Variants in TPD52L1 observed in about 807,000 individuals in gnomAD.
TPD52L1 encodes the protein TPD52 like 1.
A neutral mutation model predicts 28.7 loss-of-function variants in TPD52L1; 18 were observed. The ratio of observed to expected loss-of-function variants is 0.63; its 90% CI spans 0.43 to 0.93. The LOEUF (loss-of-function observed/expected upper bound fraction) is 0.93, where lower values mean the gene tolerates loss of function less well. TPD52L1 is among the 40% of genes least tolerant of loss of function. The probability of loss-of-function intolerance (pLI) is 0.00; values close to 1 mark genes in which losing one functional copy is unlikely to be tolerated. For synonymous variants in TPD52L1, 75 were observed against 88.8 expected (o/e 0.84, Z 0.88); for missense variants, 203 against 254.8 (o/e 0.80, Z 1.39).
chr6:125,263,235 CTG>C lies in TPD52L1; in HGVS notation c.*277_*278del. 2.5e-6 allele frequency: 1 copy of C among 399,892 alleles called. No homozygotes were observed. The highest frequency in any genetic ancestry group is 2.0e-5 in the African/African-American group (1 of 49,426). The allele number at this position is 399,892 out of a possible 1,614,324, so 24.8% of individuals were successfully genotyped here. On this transcript the variant is annotated 3_prime_UTR_variant, in exon 7 of 7. Transcript: ENST00000534000. The stretch of plus-strand genomic sequence containing the variant: ...GTACACAACTGGTCATAATTCCTGT[CTG>C]TGTAATTCGATGTATATTTTTCCAA...
At chr6:125,259,321 A>G (rs1797781122) in intron 6 of TPD52L1, among the ~76,000 whole-genome samples, 1 of 152,220 alleles carries the variant, frequency 6.6e-6, no homozygotes, top group African/African-American at 2.4e-5. Flanking sequence ...CACTCCTGCC[A>G]TCTTCTCACA....
At chr6:125,199,404 G>A (rs1414197047) in intron 1 of TPD52L1, among the ~76,000 whole-genome samples, 1 of 152,222 alleles carries the variant, frequency 6.6e-6, no homozygotes, top group Admixed American at 6.5e-5. Context: ...AGTAAAAGAG[G>A]CCAGGCGCAG....
chr6:125,220,261 T>A (rs575215413), intron 2 of TPD52L1, 68 bp downstream of exon 2: 2 of 970,846 alleles, frequency 2.1e-6, no homozygotes, highest in African/African-American at 3.2e-5. Flanking sequence ...TAGTTTGATA[T>A]AATAATTGTA....
intron 6 of TPD52L1, among the ~76,000 whole-genome samples, chr6:125,258,034 C>T (rs1797704966): frequency 6.6e-6 from 1 of 152,158 alleles, no homozygotes; most frequent in Admixed American, 6.5e-5. Context: ...ATTCAGCTGC[C>T]TCTGAATCCT....
At chr6:125,207,661 G>C (rs1374263966) in intron 1 of TPD52L1, among the ~76,000 whole-genome samples, 2 of 152,196 alleles carry the variant, frequency 1.3e-5, no homozygotes, top group South Asian at 4.1e-4. Context: ...CTTCAGCTGA[G>C]ATGCAAACCC....
In TPD52L1 at chr6:125,172,512, CTATATATATATATATATA is replaced by C. The variant is rs60135828; in HGVS notation, c.19+18565_19+18582del. On this transcript the variant is annotated intron_variant, in intron 1 of 6. Transcript: ENST00000534000. ...TTAGCAGCTATTTCCCTCTTTCATG[CTATATATATATATATATA>C]TATATATATATATATATATATAATA... 8.6e-3 allele frequency among the ~76,000 whole-genome samples: 141 copies of C among 16,408 alleles called. 7 individuals are homozygous for C. Among genetic ancestry groups the C allele is most frequent in the African/African-American group, 0.027 (116 of 4,360 alleles). 10.8% of individuals were successfully genotyped at this position (16,408 alleles called of 152,430 possible).
chr6:125,256,114 C>T (rs1797583064), intron 5 of TPD52L1, among the ~76,000 whole-genome samples: 1 of 152,038 alleles, frequency 6.6e-6, no homozygotes, highest in South Asian at 2.1e-4. Flanking sequence ...TTTTGGAGGC[C>T]GAGGCAGGTG....
intron 1 of TPD52L1, among the ~76,000 whole-genome samples, chr6:125,192,107 A>C (rs763139435): frequency 9.2e-5 from 14 of 152,000 alleles, no homozygotes; most frequent in Non-Finnish European, 1.9e-4. Context: ...GAATAGTGGG[A>C]GGGGCTGAGG....
At chr6:125,208,874 C>G in intron 1 of TPD52L1, 1 of 984,546 alleles carries the variant, frequency 1.0e-6, no homozygotes, top group Non-Finnish European at 1.2e-6. Context: ...AGCCCTCACA[C>G]CAGTGAAGAG....
chr6:125,196,972 G>A (rs373139203), intron 1 of TPD52L1, among the ~76,000 whole-genome samples: 2 of 152,198 alleles, frequency 1.3e-5, no homozygotes, highest in East Asian at 3.8e-4. Flanking sequence ...ACATCTGGCC[G>A]GATCTGTGCC....
At chr6:125,241,971 T>C (rs1271595419) in intron 3 of TPD52L1, among the ~76,000 whole-genome samples, 1 of 152,066 alleles carries the variant, frequency 6.6e-6, no homozygotes, top group African/African-American at 2.4e-5. Flanking sequence ...TGCTATGAAA[T>C]TTCCTCTTAG....
intron 1 of TPD52L1, among the ~76,000 whole-genome samples, chr6:125,176,682 T>A (rs1297625298): frequency 6.6e-6 from 1 of 152,178 alleles, no homozygotes; most frequent in South Asian, 2.1e-4. Context: ...TACAAATAGA[T>A]GTTAAAATTC....
At chr6:125,256,022 G>C (rs1365895400) in intron 5 of TPD52L1, among the ~76,000 whole-genome samples, 1 of 152,122 alleles carries the variant, frequency 6.6e-6, no homozygotes, top group East Asian at 1.9e-4. Flanking sequence ...ATTATGTATA[G>C]ATTATTTAAT....
chr6:125,188,381 T>C (rs1792793944), intron 1 of TPD52L1, among the ~76,000 whole-genome samples: 1 of 152,196 alleles, frequency 6.6e-6, no homozygotes, highest in South Asian at 2.1e-4. Context: ...TGTTTACTCC[T>C]ACCCTTACCT....
chr6:125,166,734 G>A (rs1018024375), intron 1 of TPD52L1, among the ~76,000 whole-genome samples: 9 of 151,220 alleles, frequency 6.0e-5, no homozygotes, highest in African/African-American at 2.2e-4. Context: ...GGAAAGGGAG[G>A]TGGAGAAAAG....
At chr6:125,181,948 G>T (rs1792221368) in intron 1 of TPD52L1, among the ~76,000 whole-genome samples, 2 of 152,168 alleles carry the variant, frequency 1.3e-5, no homozygotes. Context: ...AGTTGGCTTT[G>T]CACAGCCACT....
intron 3 of TPD52L1, among the ~76,000 whole-genome samples, chr6:125,237,986 C>T (rs933449354): frequency 3.3e-5 from 5 of 152,142 alleles, no homozygotes; most frequent in African/African-American, 1.2e-4. Context: ...ATGCCCTTTT[C>T]ACAGATCTGA....
rs754475361 is a variant in TPD52L1 at position 125,257,131 on chromosome 6, G to T, written c.459G>T (p.Arg153Ser). Residue 153 changes from arginine (R) to serine (S), a missense_variant, in exon 6 of 7, where the codon AGG becomes AGT. Transcript: ENST00000534000. The part of the protein sequence containing the change: ...NSPTFKSFEE[R>S]VETTVTSLKT... ...CTACTTTCAAATCATTTGAGGAGAG[G>T]GTTGAGACAACTGTCACAAGCCTCA... 1 of 1,612,068 alleles carries T rather than the reference G, an allele frequency of 6.2e-7. No homozygotes were observed. The highest frequency in any genetic ancestry group is 8.5e-7 in the Non-Finnish European group (1 of 1,178,628).
At chr6:125,177,500 G>C (rs961430682) in intron 1 of TPD52L1, among the ~76,000 whole-genome samples, 1 of 152,138 alleles carries the variant, frequency 6.6e-6, no homozygotes, top group East Asian at 1.9e-4. Context: ...GTAAGCACTT[G>C]AGGGATGAGG....
Sources: allele counts gnomAD v4.1 joint callset (sites outside exome capture counted in the v4.1 genomes callset), GRCh38; gene constraint gnomAD v4.1.1; transcripts MANE v1.5; gene names NCBI Gene and HGNC (gene_info 2026-07-23, HGNC 2026-07-21).